Variants in NOL4 observed in about 807,000 individuals in gnomAD.
NOL4 encodes cancer/testis antigen 125.
Under a neutral mutation model 75.9 loss-of-function variants are expected in NOL4, and 17 were observed. That is an observed-to-expected ratio of 0.22 (90% confidence interval 0.15 to 0.34). NOL4 has a LOEUF of 0.34. Ranked by LOEUF, NOL4 falls within the 10% of genes least tolerant of loss-of-function variation. The pLI is 1.00. For synonymous variants in NOL4, 292 were observed against 289.9 expected, an observed-to-expected ratio of 1.01 and a Z score of -0.07; for missense variants, 614 against 793.5, an observed-to-expected ratio of 0.77 and a Z score of 2.72.
intron 10 of NOL4, among the ~76,000 whole-genome samples, chr18:33,877,645 C>T (rs1398775237): frequency 6.6e-6 from 1 of 151,892 alleles, no homozygotes; most frequent in African/African-American, 2.4e-5. Flanking sequence ...TGGGGAGAAA[C>T]ATACAGAAAA....
At chr18:33,958,778 T>C (rs1323653787) in intron 6 of NOL4, among the ~76,000 whole-genome samples, 1 of 152,150 alleles carries the variant, frequency 6.6e-6, no homozygotes, top group East Asian at 1.9e-4. Context: ...TTGAGTCACA[T>C]ATTCTTAGAA....
At chr18:33,904,732 A>G (rs577204463) in intron 9 of NOL4, among the ~76,000 whole-genome samples, 40 of 152,268 alleles carry the variant, frequency 2.6e-4, no homozygotes, top group African/African-American at 9.4e-4. Context: ...AGCCAACCTG[A>G]TATCATATCC....
intron 5 of NOL4, among the ~76,000 whole-genome samples, chr18:34,041,242 G>A (rs1044332859): frequency 1.3e-5 from 2 of 151,904 alleles, no homozygotes; most frequent in African/African-American, 4.8e-5. Context: ...TCAACAAGAA[G>A]CAAGGCTAAA....
rs973754294 is a variant in NOL4 at position 34,050,914 on chromosome 18, G to A, written c.773-31313C>T. Among the ~76,000 whole-genome samples the A allele has an allele frequency of 3.9e-5, 6 of 152,090 alleles. No individual in the cohort carries two copies. The South Asian group carries it at 6.2e-4, about 16-fold the overall frequency. The stretch of plus-strand genomic sequence containing the variant: ...GAGAACAATTTTTTTCTAAAAAGCC[G>A]CCTTTCATGGAAAGGCTTGGATACA... On this transcript the variant is annotated intron_variant, in intron 5 of 10. Transcript: ENST00000261592.
intron 5 of NOL4, among the ~76,000 whole-genome samples, chr18:34,066,011 C>T (rs1201809174): frequency 6.6e-6 from 1 of 151,434 alleles, no homozygotes; most frequent in Non-Finnish European, 1.5e-5. Flanking sequence ...AAAATATAAC[C>T]CTTACGAATT....
chr18:33,886,383 C>G (rs754571779), intron 9 of NOL4, among the ~76,000 whole-genome samples: 1 of 151,756 alleles, frequency 6.6e-6, no homozygotes, highest in Non-Finnish European at 1.5e-5. Flanking sequence ...CAAAAATTAG[C>G]TGGGCGTGGT....
intron 9 of NOL4, 72 bp from the exon 10 acceptor site, chr18:33,883,496 T>C: frequency 8.4e-7 from 1 of 1,186,846 alleles, no homozygotes. Flanking sequence ...GACTACCTTA[T>C]TGTTATCTAA....
chr18:33,860,998 T>C (rs564495292), intron 10 of NOL4, among the ~76,000 whole-genome samples: 1 of 152,190 alleles, frequency 6.6e-6, no homozygotes, highest in East Asian at 1.9e-4. Flanking sequence ...TTGATCATAG[T>C]GGATAAGCTT....
At chr18:33,895,858 C>G (rs2065369730) in intron 9 of NOL4, among the ~76,000 whole-genome samples, 1 of 152,072 alleles carries the variant, frequency 6.6e-6, no homozygotes, top group Admixed American at 6.6e-5. Context: ...AAGAGAGATT[C>G]AAACTAACTC....
intron 8 of NOL4, among the ~76,000 whole-genome samples, chr18:33,946,534 C>A (rs879425298): frequency 6.6e-6 from 1 of 151,626 alleles, no homozygotes; most frequent in Admixed American, 6.6e-5. Context: ...GAGTTATAAT[C>A]CCTAGTGAAC....
chr18:34,137,789 C>T (rs1049513113), intron 1 of NOL4, among the ~76,000 whole-genome samples: 4 of 151,212 alleles, frequency 2.6e-5, no homozygotes, highest in African/African-American at 7.3e-5. Flanking sequence ...TACACACACA[C>T]ACACACACAC....
At chr18:33,888,112 C>G (rs965762570) in intron 9 of NOL4, among the ~76,000 whole-genome samples, 1 of 152,204 alleles carries the variant, frequency 6.6e-6, no homozygotes, top group Non-Finnish European at 1.5e-5. Context: ...GATCACCATT[C>G]TAACTGGTGT....
intron 6 of NOL4, among the ~76,000 whole-genome samples, chr18:34,011,734 T>C (rs1266647168): frequency 6.6e-6 from 1 of 151,864 alleles, no homozygotes; most frequent in Non-Finnish European, 1.5e-5. Context: ...GAGGTATTGA[T>C]GAACCCTCAA....
intron 8 of NOL4, among the ~76,000 whole-genome samples, chr18:33,954,807 G>T (rs1003182069): frequency 4.6e-5 from 7 of 152,042 alleles, no homozygotes; most frequent in African/African-American, 1.7e-4. Flanking sequence ...AGACCAAGGT[G>T]TATTCATGCT....
intron 9 of NOL4, among the ~76,000 whole-genome samples, chr18:33,892,616 G>A (rs143111692): frequency 1.4e-5 from 2 of 146,918 alleles, no homozygotes; most frequent in South Asian, 4.4e-4. Flanking sequence ...TATTCACCAT[G>A]AAGTAATTTT....
At chr18:34,063,296 G>C (rs1266239154) in intron 5 of NOL4, among the ~76,000 whole-genome samples, 1 of 151,926 alleles carries the variant, frequency 6.6e-6, no homozygotes, top group Non-Finnish European at 1.5e-5. Flanking sequence ...CTCAACACAA[G>C]TACTCCCTTA....
intron 9 of NOL4, among the ~76,000 whole-genome samples, chr18:33,931,826 C>T (rs1253988148): frequency 6.6e-6 from 1 of 151,886 alleles, no homozygotes; most frequent in African/African-American, 2.4e-5. Context: ...AAAACATAAT[C>T]TTAGTTTGGT....
Position 34,104,096 on chromosome 18 carries a change from G to T in NOL4, c.590C>A (p.Ala197Asp). The T allele has an allele frequency of 6.2e-7, 1 of 1,611,758 alleles. No individual in the cohort carries two copies. Among genetic ancestry groups the T allele is most frequent in the Non-Finnish European group, 8.5e-7 (1 of 1,178,220 alleles). ...CTGCAGCTTCATGTGTTTCATGTAGGCCATGGTAATTGGCATGTTGTAGTC... is the reference window on the plus strand; with the variant it reads ...CTGCAGCTTCATGTGTTTCATGTAGTCCATGGTAATTGGCATGTTGTAGTC... Reference protein sequence around the residue: ...MIDYNMPITMAYMKHMKLQLL... With the variant: ...MIDYNMPITMDYMKHMKLQLL... The change falls in exon 4 of 11, where the codon GCC becomes GAC. Residue 197 changes from alanine to aspartate, a missense_variant. This residue lies in a region of NOL4 where 135 missense variants were observed against 220.4 expected (regional missense o/e 0.61). Transcript: ENST00000261592.
At chr18:34,146,634 T>C (rs1310437335) in intron 1 of NOL4, among the ~76,000 whole-genome samples, 1 of 152,192 alleles carries the variant, frequency 6.6e-6, no homozygotes, top group African/African-American at 2.4e-5. Flanking sequence ...TGTAGCCTTG[T>C]AGTATAGTCT....
Sources: allele counts gnomAD v4.1 joint callset (sites outside exome capture counted in the v4.1 genomes callset), GRCh38; gene constraint gnomAD v4.1.1; regional missense constraint gnomAD v4.1.1; transcripts MANE v1.5; gene names NCBI Gene and HGNC (gene_info 2026-07-23, HGNC 2026-07-21).